Variants in TCF12 observed in about 807,000 individuals in gnomAD.
TCF12 encodes the protein transcription factor 12, also known as DNA-binding protein HTF4.
Under a neutral mutation model 86.0 loss-of-function variants are expected in TCF12, and 45 were observed. The ratio of observed to expected loss-of-function variants is 0.52; its 90% confidence interval spans 0.41 to 0.67. The LOEUF (loss-of-function observed/expected upper bound fraction) is 0.67, where lower values mean the gene tolerates loss of function less well. Ranked by LOEUF, TCF12 falls within the 30% of genes least tolerant of loss-of-function variation. The pLI, the probability that TCF12 is intolerant of heterozygous loss-of-function variation, is 0.00. For missense variants in TCF12, 881 were observed against 859.9 expected (o/e 1.02, Z -0.31); for synonymous variants, 330 against 299.6 (o/e 1.10, Z -1.05).
intron 3 of TCF12, among the ~76,000 whole-genome samples, chr15:57,038,322 G>A (rs1274375896): frequency 6.6e-6 from 1 of 152,080 alleles, no homozygotes; most frequent in Non-Finnish European, 1.5e-5. Flanking sequence ...AAGCTACTCA[G>A]GGGGCTGAGA....
At chr15:57,224,212 G>A (rs1054144593) in intron 8 of TCF12, among the ~76,000 whole-genome samples, 7 of 152,052 alleles carry the variant, frequency 4.6e-5, no homozygotes, top group African/African-American at 1.7e-4. Context: ...GGGATCAGGT[G>A]CAATATTGTT....
chr15:56,989,074 T>C (rs1196034811), intron 3 of TCF12, among the ~76,000 whole-genome samples: 1 of 152,142 alleles, frequency 6.6e-6, no homozygotes, highest in Non-Finnish European at 1.5e-5. Flanking sequence ...GAGATGACTA[T>C]TTATTGACAT....
chr15:57,062,162 T>G (rs2703578), intron 3 of TCF12, among the ~76,000 whole-genome samples: 1 of 152,042 alleles, frequency 6.6e-6, no homozygotes, highest in Non-Finnish European at 1.5e-5. Context: ...TTCTCCGTAT[T>G]AGCCAGGATG....
intron 5 of TCF12, 40 bp downstream of exon 5, chr15:57,091,931 T>C (rs1322453663): frequency 9.7e-6 from 15 of 1,544,790 alleles, no homozygotes; most frequent in Non-Finnish European, 1.3e-5. Flanking sequence ...TCTCAAAGCT[T>C]CTTTGGTCAG....
intron 5 of TCF12, among the ~76,000 whole-genome samples, chr15:57,096,082 C>T (rs1339203650): frequency 6.6e-6 from 1 of 152,088 alleles, no homozygotes; most frequent in African/African-American, 2.4e-5. Context: ...TTCTTCATAG[C>T]TCAGATTTTT....
intron 3 of TCF12, among the ~76,000 whole-genome samples, chr15:56,970,597 GA>G (rs2062257171): frequency 6.6e-6 from 1 of 151,678 alleles, no homozygotes; most frequent in East Asian, 1.9e-4. Context: ...ATATATGGAT[GA>G]ATTCTTCTGC....
At chr15:57,069,470 T>C (rs1203114934) in intron 4 of TCF12, among the ~76,000 whole-genome samples, 3 of 152,230 alleles carry the variant, frequency 2.0e-5, no homozygotes, top group Admixed American at 6.5e-5. Flanking sequence ...AATGAAACAG[T>C]CATTTATCTT....
At chr15:57,104,372 C>T (rs1166088997) in intron 5 of TCF12, among the ~76,000 whole-genome samples, 1 of 150,634 alleles carries the variant, frequency 6.6e-6, no homozygotes, top group Non-Finnish European at 1.5e-5. Context: ...TAGCAATATA[C>T]TAAGCACGTT....
chr15:57,102,442 A>G (rs1001197471), intron 5 of TCF12, among the ~76,000 whole-genome samples: 1 of 152,134 alleles, frequency 6.6e-6, no homozygotes, highest in African/African-American at 2.4e-5. Context: ...TACTAAAAAT[A>G]CCAAAATTAG....
At chr15:57,007,554 C>T (rs1406239325) in intron 3 of TCF12, among the ~76,000 whole-genome samples, 4 of 152,158 alleles carry the variant, frequency 2.6e-5, no homozygotes, top group Admixed American at 2.6e-4. Context: ...TAATATTGGA[C>T]AAGTCACTTT....
chr15:57,019,088 A>G (rs2065320015), intron 3 of TCF12, among the ~76,000 whole-genome samples: 1 of 152,220 alleles, frequency 6.6e-6, no homozygotes, highest in Admixed American at 6.5e-5. Flanking sequence ...ACCTTGGTAG[A>G]AAAGAGTTTT....
intron 5 of TCF12, among the ~76,000 whole-genome samples, chr15:57,117,890 A>C (rs2050951634): frequency 1.3e-5 from 2 of 152,140 alleles, no homozygotes; most frequent in Admixed American, 1.3e-4. Context: ...TTATTTTGTG[A>C]AGAGTTTATA....
intron 3 of TCF12, among the ~76,000 whole-genome samples, chr15:57,011,714 T>C (rs912027865): frequency 9.9e-5 from 15 of 152,072 alleles, no homozygotes; most frequent in African/African-American, 3.6e-4. Flanking sequence ...GAATGCTAAT[T>C]ACAGGACCCC....
intron 3 of TCF12, among the ~76,000 whole-genome samples, chr15:56,940,912 C>A (rs1397061127): frequency 7.2e-6 from 1 of 138,864 alleles, no homozygotes; most frequent in African/African-American, 2.5e-5. Context: ...CCATGCCCAG[C>A]TGCTCTTTTT....
At chr15:57,257,664 A>T (rs2060406235) in intron 16 of TCF12, among the ~76,000 whole-genome samples, 1 of 116 alleles carries the variant, frequency 8.6e-3, no homozygotes, top group Non-Finnish European at 0.021. Flanking sequence ...CTGTCTCTTA[A>T]AAAAAAAAAA....
intron 3 of TCF12, among the ~76,000 whole-genome samples, chr15:56,955,017 G>C (rs1486424581): frequency 2.0e-5 from 3 of 152,214 alleles, no homozygotes; most frequent in African/African-American, 7.2e-5. Flanking sequence ...TCTAGAACTA[G>C]AAATACCGTA....
At chr15:56,937,187 C>T (rs1433806137) in intron 3 of TCF12, among the ~76,000 whole-genome samples, 1 of 152,040 alleles carries the variant, frequency 6.6e-6, no homozygotes, top group East Asian at 1.9e-4. Context: ...CGTCCTTTAC[C>T]TCCTTGGTTA....
intron 5 of TCF12, among the ~76,000 whole-genome samples, chr15:57,108,828 A>G (rs991833063): frequency 1.3e-5 from 2 of 152,250 alleles, no homozygotes; most frequent in Non-Finnish European, 2.9e-5. Flanking sequence ...AAAAGTGTAC[A>G]AAGAGCCAAT....
intron 3 of TCF12, 39 bp downstream of exon 3, chr15:56,921,137 G>A (rs2059773212): frequency 2.7e-6 from 4 of 1,499,328 alleles, no homozygotes; most frequent in Non-Finnish European, 2.7e-6. Flanking sequence ...ATATTTTGGT[G>A]GTGTGATACA....
Sources: gnomAD v4.1 joint callset for allele counts (sites outside exome capture counted in the v4.1 genomes callset) on GRCh38, gnomAD v4.1.1 for gene constraint, MANE v1.5 for transcripts, NCBI Gene and HGNC (gene_info 2026-07-23, HGNC 2026-07-21) for gene names.